MMD2: variants seen among roughly 807,000 people sequenced by gnomAD.
The protein encoded by MMD2 is monocyte to macrophage differentiation factor 2.
Under a neutral mutation model 33.5 loss-of-function variants are expected in MMD2, and 30 were observed. The observed-to-expected ratio is 0.90, with a 90% CI of 0.67 to 1.22. MMD2 has a LOEUF of 1.22. MMD2 is among the 50% of genes most tolerant of loss of function. The pLI is 0.00. For missense variants in MMD2, 364 were observed against 325.4 expected (o/e 1.12, Z -0.91); for synonymous variants, 129 against 123.0 (o/e 1.05, Z -0.32).
downstream of MMD2, among the ~76,000 whole-genome samples, chr7:4,904,284 G>C (rs1460218594): frequency 6.6e-6 from 1 of 152,194 alleles, no homozygotes; most frequent in Non-Finnish European, 1.5e-5. Flanking sequence ...TCCCAGGACA[G>C]GGCCTTGCCC....
At position 4,946,461 on chromosome 7, in the gene MMD2, G is replaced by A. The variant is rs1786090704; in HGVS notation, c.47+12510C>T. ...AGTGATGCTGAAGGGAAGTGGGGGTGCAGAGTCTTCACTAAGGGAGGATCT... is the reference window on the plus strand; with the variant it reads ...AGTGATGCTGAAGGGAAGTGGGGGTACAGAGTCTTCACTAAGGGAGGATCT... On this transcript the variant is annotated intron_variant, in intron 1 of 6. Transcript: ENST00000401401. The surrounding 1 kb of genome is among the most constrained non-coding windows in gnomAD (Gnocchi z 5.0). 6.6e-5 allele frequency among the ~76,000 whole-genome samples: 10 copies of A among 152,292 alleles called. No individual in the cohort carries two copies. In the South Asian group the frequency reaches 2.1e-3, roughly 32 times the overall value.
chr7:4,952,471 G>C (rs1341062644), intron 1 of MMD2, among the ~76,000 whole-genome samples: 1 of 152,176 alleles, frequency 6.6e-6, no homozygotes, highest in African/African-American at 2.4e-5. Context: ...GCTCCCCCCA[G>C]GCATAGGCCG....
rs532542897 is a variant in MMD2 at position 4,951,091 on chromosome 7, G to C, written c.47+7880C>G. ...AGGTCTAGGGGCCTGATGTCCACAG[G>C]CAACTCCCACAGTCCAGGAGGTGAA... On this transcript the variant is annotated intron_variant, in intron 1 of 6. Coordinates refer to ENST00000401401, the MANE Select transcript of MMD2 (RefSeq NM_198403.4). Among the ~76,000 whole-genome samples the C allele has an allele frequency of 6.6e-5, 10 of 152,114 alleles. No individual in the cohort carries two copies. In the South Asian group the frequency reaches 2.1e-3, roughly 32 times the overall value.
At chr7:4,914,030 G>C (rs1320209702) in intron 4 of MMD2, among the ~76,000 whole-genome samples, 1 of 152,086 alleles carries the variant, frequency 6.6e-6, no homozygotes, top group African/African-American at 2.4e-5. Context: ...CACTCTCCCA[G>C]GCTGGAGTGC....
At chr7:4,947,185 G>A (rs1199255129) in intron 1 of MMD2, among the ~76,000 whole-genome samples, 5 of 151,966 alleles carry the variant, frequency 3.3e-5, no homozygotes, top group Non-Finnish European at 5.9e-5. Context: ...TCCAGCCTGG[G>A]TGACAGAGCA....
At chr7:4,900,767 G>A in the MMD2 span, among the ~76,000 whole-genome samples, 1 of 152,042 alleles carries the variant, frequency 6.6e-6, no homozygotes, top group Non-Finnish European at 1.5e-5. Context: ...AGCAGAACAA[G>A]TGTGGGACTC....
downstream of MMD2, among the ~76,000 whole-genome samples, chr7:4,901,162 C>G (rs1229018887): frequency 1.3e-5 from 2 of 148,274 alleles, no homozygotes; most frequent in Non-Finnish European, 3.0e-5. Flanking sequence ...GGATATAGGC[C>G]GGGTGTGGTG....
chr7:4,953,330 C>T (rs1786299944), intron 1 of MMD2, among the ~76,000 whole-genome samples: 1 of 151,226 alleles, frequency 6.6e-6, no homozygotes, highest in African/African-American at 2.4e-5. Flanking sequence ...CCATCAATAT[C>T]AACACATTCC....
At chr7:4,915,509 G>A (rs936926008) in intron 4 of MMD2, among the ~76,000 whole-genome samples, 1 of 151,990 alleles carries the variant, frequency 6.6e-6, no homozygotes, top group Non-Finnish European at 1.5e-5. Flanking sequence ...GGAGGCTGAG[G>A]TGGGCAGATC....
At chr7:4,925,123 G>A (rs1260631969) in intron 2 of MMD2, among the ~76,000 whole-genome samples, 1 of 152,058 alleles carries the variant, frequency 6.6e-6, no homozygotes, top group Non-Finnish European at 1.5e-5. Flanking sequence ...TAGAGACGGG[G>A]TTTCACCATG....
chr7:4,931,351 C>A (rs927362467), intron 1 of MMD2, among the ~76,000 whole-genome samples: 2 of 151,868 alleles, frequency 1.3e-5, no homozygotes, highest in African/African-American at 4.8e-5. Flanking sequence ...TGAGGTCTCA[C>A]TATGTTGTCC....
intron 1 of MMD2, among the ~76,000 whole-genome samples, chr7:4,952,688 G>T (rs1004155140): frequency 2.8e-5 from 3 of 107,242 alleles, no homozygotes; most frequent in South Asian, 6.9e-4. Context: ...CTCCGTATGA[G>T]ATTTTTTTTT....
chr7:4,912,267 G>A (rs1488724588), intron 4 of MMD2, among the ~76,000 whole-genome samples: 1 of 151,936 alleles, frequency 6.6e-6, no homozygotes, highest in African/African-American at 2.4e-5. Context: ...TGTATAAAGA[G>A]ATAACTGTTG....
chr7:4,951,829 G>T (rs1786252082), intron 1 of MMD2, among the ~76,000 whole-genome samples: 1 of 152,058 alleles, frequency 6.6e-6, no homozygotes, highest in Admixed American at 6.6e-5. Context: ...GAAACTCCTG[G>T]GCTCAAGCAA....
intron 3 of MMD2, among the ~76,000 whole-genome samples, chr7:4,919,650 C>T (rs1210872447): frequency 1.3e-5 from 2 of 152,100 alleles, no homozygotes; most frequent in Admixed American, 6.6e-5. Flanking sequence ...CTTTGGGAGG[C>T]CGAGGTGGGT....
At chr7:4,913,223 G>A (rs1350651381) in intron 4 of MMD2, among the ~76,000 whole-genome samples, 1 of 152,074 alleles carries the variant, frequency 6.6e-6, no homozygotes, top group East Asian at 1.9e-4. Flanking sequence ...AGGATAGGAC[G>A]GGATGAAGGG....
rs760703525 is a variant in MMD2, at chr7:4,907,596, T to C, written c.541A>G (p.Asn181Asp). ...ACCAGCTCCCAGATGCCCTCGGTGT[T>C]GGGCTGTCGGCAAGGACAAGGGTGG... ...FPALVILSMPNTEGIWELVTG... is the reference protein window; with the variant it reads ...FPALVILSMPDTEGIWELVTG... Residue 181 changes from asparagine (N) to aspartate (D), a missense_variant, in exon 7 of 7, where the codon AAC becomes GAC. By Grantham distance (23) the Asn-to-Asp change is conservative. Transcript: ENST00000401401. 3.7e-6 allele frequency: 6 copies of C among 1,612,070 alleles called. No homozygotes were observed. In the South Asian group the frequency reaches 6.6e-5, roughly 18 times the overall value.
At chr7:4,915,691 G>A (rs1785122036) in intron 4 of MMD2, among the ~76,000 whole-genome samples, 1 of 149,472 alleles carries the variant, frequency 6.7e-6, no homozygotes, top group Admixed American at 6.7e-5. Context: ...AGTGAGCCAA[G>A]ACCTCGCTAC....
chr7:4,958,291 C>T (rs1390278088), intron 1 of MMD2, among the ~76,000 whole-genome samples: 6 of 152,146 alleles, frequency 3.9e-5, no homozygotes, highest in Admixed American at 1.3e-4. Flanking sequence ...AAAGGAGAAA[C>T]CCCCTCCCCA....
Sources: allele counts gnomAD v4.1 joint callset (sites outside exome capture counted in the v4.1 genomes callset), GRCh38; gene constraint gnomAD v4.1.1; non-coding constraint Gnocchi (gnomAD v3.1); transcripts MANE v1.5; gene names NCBI Gene and HGNC (gene_info 2026-07-23, HGNC 2026-07-21).